The following GPC6 variants were observed in gnomAD, a reference collection of about 807,000 sequenced individuals.
GPC6 encodes the protein glypican-6.
Under a neutral mutation model 55.2 loss-of-function variants are expected in GPC6, and 14 were observed. The observed-to-expected ratio is 0.25, with a 90% CI of 0.17 to 0.40. The LOEUF (loss-of-function observed/expected upper bound fraction) is 0.40, where lower values mean the gene tolerates loss of function less well. GPC6 is among the 10% of genes least tolerant of loss of function. The pLI is 1.00. For missense variants in GPC6, 641 were observed against 708.5 expected, an observed-to-expected ratio of 0.90 and a Z score of 1.08; for synonymous variants, 278 against 259.6, an observed-to-expected ratio of 1.07 and a Z score of -0.68.
At chr13:94,340,122 G>A (rs1410198206) in intron 6 of GPC6, among the ~76,000 whole-genome samples, 2 of 152,024 alleles carry the variant, frequency 1.3e-5, no homozygotes, top group African/African-American at 4.8e-5. Flanking sequence ...TCCATAAGGT[G>A]GTATCCACTC....
At position 93,731,888 on chromosome 13, in the gene GPC6, G is replaced by GTA. The variant is rs147772243; in HGVS notation, c.320-98258_320-98257dup. 2.3e-3 allele frequency among the ~76,000 whole-genome samples: 352 copies of GTA among 152,216 alleles called. 2 individuals carry two copies. Among genetic ancestry groups the GTA allele is most frequent in the African/African-American group, 8.0e-3 (333 of 41,532 alleles). ...AACTAATTTGAGAAAAAAAATGACA[G>GTA]TATATATATGTAATAATGAAAGTGA... On this transcript the variant is annotated intron_variant, in intron 2 of 8. Coordinates refer to ENST00000377047, the MANE Select transcript of GPC6 (RefSeq NM_005708.5).
intron 2 of GPC6, among the ~76,000 whole-genome samples, chr13:93,772,187 T>A (rs556939420): frequency 6.6e-6 from 1 of 152,322 alleles, no homozygotes; most frequent in East Asian, 1.9e-4. Flanking sequence ...TGGCATCAAC[T>A]AATATTAGAT....
chr13:93,900,486 A>G (rs988435428), intron 3 of GPC6, among the ~76,000 whole-genome samples: 1 of 152,192 alleles, frequency 6.6e-6, no homozygotes, highest in Non-Finnish European at 1.5e-5. Context: ...GAAAACATAC[A>G]TATGTTGTCT....
chr13:93,268,903 G>A (rs578242725), intron 1 of GPC6, among the ~76,000 whole-genome samples: 7 of 151,952 alleles, frequency 4.6e-5, no homozygotes, highest in Non-Finnish European at 7.4e-5. Context: ...TGCATTCTTC[G>A]AATTTAGCTC....
chr13:93,794,576 A>G (rs9524221), intron 2 of GPC6, among the ~76,000 whole-genome samples: 6,111 of 152,242 alleles, frequency 0.04, 148 homozygotes, highest in Non-Finnish European at 0.055. Flanking sequence ...TCTGGGGGGG[A>G]AAAAGAAAGA....
At chr13:93,480,652 G>T (rs762623155) in intron 1 of GPC6, among the ~76,000 whole-genome samples, 1 of 152,070 alleles carries the variant, frequency 6.6e-6, no homozygotes, top group Non-Finnish European at 1.5e-5. Flanking sequence ...TGGTCACTCC[G>T]TATTGCCCTG....
intron 4 of GPC6, among the ~76,000 whole-genome samples, chr13:94,067,355 C>G (rs559811318): frequency 6.6e-6 from 1 of 152,182 alleles, no homozygotes; most frequent in South Asian, 2.1e-4. Context: ...GATCAAGATA[C>G]GTGAAAGAAT....
intron 3 of GPC6, among the ~76,000 whole-genome samples, chr13:93,891,818 TCATACA>T (rs1010919942): frequency 6.6e-6 from 1 of 151,978 alleles, no homozygotes; most frequent in African/African-American, 2.4e-5. Context: ...AGTATATCTG[TCATACA>T]CATACTATAT....
chr13:93,382,922 CTCT>C (rs1245841443), intron 1 of GPC6, among the ~76,000 whole-genome samples: 1 of 152,150 alleles, frequency 6.6e-6, no homozygotes, highest in Non-Finnish European at 1.5e-5. Context: ...GTCCTTCACT[CTCT>C]TCTGCCCCCA....
intron 2 of GPC6, among the ~76,000 whole-genome samples, chr13:93,673,603 C>T (rs535879890): frequency 1.9e-4 from 29 of 152,132 alleles, no homozygotes; most frequent in Middle Eastern, 3.4e-3. Flanking sequence ...CACCTAAAGT[C>T]CTTTGCATCT....
intron 3 of GPC6, among the ~76,000 whole-genome samples, chr13:94,013,816 G>A (rs79878384): frequency 2.0e-3 from 298 of 152,230 alleles, no homozygotes; most frequent in African/African-American, 6.7e-3. Context: ...CCACAGCATT[G>A]ATGTTACTTA....
rs151273131 is a variant in GPC6, at chr13:93,824,168, A to G, written c.320-5986A>G. Reference sequence around the variant, plus strand: ...CTGAGACAATGTAATATCTATTGGAAATAGTTCTTTTCCTTTTTCCCTTAT... The same window carrying G: ...CTGAGACAATGTAATATCTATTGGAGATAGTTCTTTTCCTTTTTCCCTTAT... On this transcript the variant is annotated intron_variant, in intron 2 of 8. Transcript: ENST00000377047. Among the ~76,000 whole-genome samples, 665 of 152,362 alleles carry G rather than the reference A, an allele frequency of 4.4e-3. 4 individuals carry two copies. The highest frequency in any genetic ancestry group is 0.015 in the African/African-American group (616 of 41,574).
At position 94,050,552 on chromosome 13, in the gene GPC6, G is replaced by C. The variant is rs556460168; in HGVS notation, c.877+22658G>C. ...TAGAATATACCACCATCATGAGACTGTCACCAGCAAAAGCTAGCCTGCTAA... is the reference window on the plus strand; with the variant it reads ...TAGAATATACCACCATCATGAGACTCTCACCAGCAAAAGCTAGCCTGCTAA... On this transcript the variant is annotated intron_variant, in intron 4 of 8. Coordinates refer to ENST00000377047, the MANE Select transcript of GPC6 (RefSeq NM_005708.5). 7.2e-5 allele frequency among the ~76,000 whole-genome samples: 11 copies of C among 152,268 alleles called. 1 individual carries two copies. In the South Asian group the frequency reaches 2.3e-3, roughly 32 times the overall value.
intron 4 of GPC6, among the ~76,000 whole-genome samples, chr13:94,278,752 A>T (rs574689961): frequency 6.6e-6 from 1 of 152,144 alleles, no homozygotes; most frequent in African/African-American, 2.4e-5. Flanking sequence ...TGATTTGTAT[A>T]TGTTGAGCCA....
intron 1 of GPC6, among the ~76,000 whole-genome samples, chr13:93,271,225 C>G (rs1877512438): frequency 6.6e-6 from 1 of 152,074 alleles, no homozygotes; most frequent in African/African-American, 2.4e-5. Context: ...AAGTTCTACT[C>G]CACTGTAGAC....
chr13:93,959,338 T>C (rs1322591437), intron 3 of GPC6, among the ~76,000 whole-genome samples: 1 of 152,008 alleles, frequency 6.6e-6, no homozygotes, highest in African/African-American at 2.4e-5. Flanking sequence ...AATTTTTGTA[T>C]TTTTGGTAGA....
At position 93,817,833 on chromosome 13, in the gene GPC6, G is replaced by C. The variant is rs202152308; in HGVS notation, c.320-12321G>C. Among the ~76,000 whole-genome samples, 5 of 151,368 alleles carry C rather than the reference G, an allele frequency of 3.3e-5. No individual in the cohort carries two copies. In the East Asian group the frequency reaches 5.9e-4, roughly 18 times the overall value. On this transcript the variant is annotated intron_variant, in intron 2 of 8. Coordinates refer to ENST00000377047, the MANE Select transcript of GPC6 (RefSeq NM_005708.5). ...AGATGGTGCCGCTGCACTTCAGCCT[G>C]GGTGACAGAGTGAGACCCTGTTTCA... is the stretch of plus-strand genomic sequence containing the variant.
At position 94,074,867 on chromosome 13, in the gene GPC6, A is replaced by T. The variant is rs181045587; in HGVS notation, c.877+46973A>T. On this transcript the variant is annotated intron_variant, in intron 4 of 8. Coordinates refer to ENST00000377047, the MANE Select transcript of GPC6 (RefSeq NM_005708.5). ...GATTAGATCACAGTGAGTCTGGTGT[A>T]ACATATGAATATGGTACAGTCAATT... is the stretch of plus-strand genomic sequence containing the variant. Among the ~76,000 whole-genome samples the T allele has an allele frequency of 9.6e-3, 1,459 of 152,332 alleles. 17 individuals carry two copies. The highest frequency in any genetic ancestry group is 0.037 in the Middle Eastern group (11 of 294).
In GPC6 at chr13:94,082,905, C is replaced by A. The variant is rs577272014; in HGVS notation, c.877+55011C>A. On this transcript the variant is annotated intron_variant, in intron 4 of 8. Coordinates refer to ENST00000377047, the MANE Select transcript of GPC6 (RefSeq NM_005708.5). ...TGAATTCTGGGCCAGTCTGTCCACC[C>A]AGAATGTAGTATTCTAAATGCTGGA... 1.5e-4 allele frequency among the ~76,000 whole-genome samples: 23 copies of A among 152,262 alleles called. No homozygotes were observed. The South Asian group carries it at 4.8e-3, about 32-fold the overall frequency.
Sources: allele counts gnomAD v4.1 joint callset (sites outside exome capture counted in the v4.1 genomes callset), GRCh38; gene constraint gnomAD v4.1.1; transcripts MANE v1.5; gene names NCBI Gene and HGNC (gene_info 2026-07-23, HGNC 2026-07-21).